PHF19: variants seen among roughly 807,000 people sequenced by gnomAD.
PHF19 encodes PHD finger protein 19.
In PHF19, 21 loss-of-function variants were observed where a neutral mutation model predicts 79.8. That is an observed-to-expected ratio of 0.26 (90% CI 0.19 to 0.38). The LOEUF is 0.38. Ranked by LOEUF, PHF19 falls within the 10% of genes least tolerant of loss-of-function variation. PHF19 has a pLI of 1.00. For synonymous variants in PHF19, 273 were observed against 296.3 expected, an observed-to-expected ratio of 0.92 and a Z score of 0.81; for missense variants, 445 against 744.2, an observed-to-expected ratio of 0.60 and a Z score of 4.68.
chr9:120,877,066 G>A, intron 1 of PHF19, 25 bp downstream of exon 1: 1 of 985,492 alleles, frequency 1.0e-6, no homozygotes, highest in South Asian at 4.7e-5. Context: ...GTGGCGGGGA[G>A]TCCGCCCAAC....
chr9:120,882,444 C>T (rs1028978678), intron 1 of PHF19, among the ~76,000 whole-genome samples: 1 of 152,160 alleles, frequency 6.6e-6, no homozygotes, highest in African/African-American at 2.4e-5. Flanking sequence ...ATATACTTCA[C>T]GTATGACAAA....
chr9:120,874,496 C>A lies in PHF19; in HGVS notation c.186+60G>T. The A allele has an allele frequency of 1.7e-6, 2 of 1,163,154 alleles. No homozygotes were observed. Among genetic ancestry groups the A allele is most frequent in the Non-Finnish European group, 2.5e-6 (2 of 787,282 alleles). 72.1% of individuals were successfully genotyped at this position (1,163,154 alleles called of 1,614,324 possible). ...CCTGCCCCCTGGTCTGACAGCCAGG[C>A]TGGAACATGAGCAGAGAGATTCTGA... On this transcript the variant is annotated intron_variant, in intron 2 of 14. Transcript: ENST00000373896. This position sits in a 1 kb window ranked among gnomAD's most constrained non-coding sequence, Gnocchi z 4.5.
intron 1 of PHF19, among the ~76,000 whole-genome samples, chr9:120,892,362 G>A (rs577519925): frequency 1.3e-5 from 2 of 152,092 alleles, no homozygotes; most frequent in Admixed American, 6.6e-5. Flanking sequence ...GGTGGGGAGC[G>A]GGTACAGGAA....
chr9:120,857,917 A>G lies in PHF19; in HGVS notation c.*27T>C, dbSNP rs761257275. 2 of 1,416,340 alleles carry G rather than the reference A, an allele frequency of 1.4e-6. No homozygotes were observed. Among genetic ancestry groups the G allele is most frequent in the East Asian group, 2.4e-5 (1 of 41,752 alleles). The allele number at this position is 1,416,340 out of a possible 1,614,324, so 87.7% of individuals were successfully genotyped here. A position where few individuals can be genotyped will look rare whatever the true frequency, so the allele number is the denominator to read the frequency against. ...TTCTGCTGCTCCTCCTTTGGTTTTCAGGACCCCTGGCACCCCCGGGGGCTA... is the reference window on the plus strand; with the variant it reads ...TTCTGCTGCTCCTCCTTTGGTTTTCGGGACCCCTGGCACCCCCGGGGGCTA... On this transcript the variant is annotated 3_prime_UTR_variant, in exon 15 of 15. Transcript: ENST00000373896.
At position 120,869,636 on chromosome 9, in the gene PHF19, C is replaced by G. The variant is rs1010047079; in HGVS notation, c.465+209G>C. 3.3e-6 allele frequency: 5 copies of G among 1,533,080 alleles called. No homozygotes were observed. In the African/African-American group the frequency reaches 6.9e-5, roughly 21 times the overall value. 95.0% of individuals were successfully genotyped at this position (1,533,080 alleles called of 1,614,324 possible). A position where few individuals can be genotyped will look rare whatever the true frequency, so the allele number is the denominator to read the frequency against. On this transcript the variant is annotated intron_variant, in intron 5 of 14. Transcript: ENST00000373896. This position sits in a 1 kb window ranked among gnomAD's most constrained non-coding sequence, Gnocchi z 5.8. The stretch of plus-strand genomic sequence containing the variant: ...CATTTATTGGTCCCGTTATTCCCGA[C>G]ACCAAACCCATCTCCACTTTACAGT...
At chr9:120,887,057 C>T (rs2046273389) in intron 1 of PHF19, among the ~76,000 whole-genome samples, 3 of 136,848 alleles carry the variant, frequency 2.2e-5, no homozygotes, top group African/African-American at 8.6e-5. Context: ...CAGAGCCAGA[C>T]TCTGTCTAAA....
upstream of PHF19, among the ~76,000 whole-genome samples, chr9:120,880,481 G>T (rs1355679130): frequency 6.6e-6 from 1 of 152,290 alleles, no homozygotes; most frequent in East Asian, 1.9e-4. Flanking sequence ...GTGACTGAGC[G>T]AGACTCCGTC....
rs2045688842 is a variant in PHF19, at chr9:120,866,035, G to A, written c.772C>T (p.Leu258=). Residue 258 remains leucine (L), a synonymous_variant, in exon 8 of 15, where the codon CTG becomes TTG. Coordinates refer to ENST00000373896, the MANE Select transcript of PHF19 (RefSeq NM_015651.3). The surrounding 1 kb of genome is among the most constrained non-coding windows in gnomAD (Gnocchi z 5.2). ...TAAGCCCCACCCTCTCACCATCGCAGGGGCAGCCTCTCGATGTACTCTGGG... is the reference window on the plus strand; with the variant it reads ...TAAGCCCCACCCTCTCACCATCGCAAGGGCAGCCTCTCGATGTACTCTGGG... ...QGPEYIERLP[L]RWVDVVHLAL... is the part of the protein sequence containing the mutation. The A allele has an allele frequency of 5.0e-6, 8 of 1,613,172 alleles. No individual in the cohort carries two copies. The highest frequency in any genetic ancestry group is 5.9e-6 in the Non-Finnish European group (7 of 1,179,230).
rs376433527 is a variant in PHF19 at position 120,861,933 on chromosome 9, T to A, written c.1203A>T (p.Glu401Asp). Reference sequence around the variant, plus strand: ...AGGAACTAACACTGGGAATAGCATCTTCCAGCAAAAACTTTGATCTTTTTC... The same window carrying A: ...AGGAACTAACACTGGGAATAGCATCATCCAGCAAAAACTTTGATCTTTTTC... Reference protein sequence around the residue: ...YRRKRSKFLLEDAIPSSDFTS... With the variant: ...YRRKRSKFLLDDAIPSSDFTS... The change falls in exon 12 of 15, where the codon GAA (glutamate) becomes GAT (aspartate). Residue 401 changes from glutamate to aspartate, a missense_variant. Glu to Asp is a conservative substitution (Grantham distance 45). Transcript: ENST00000373896. 2.5e-6 allele frequency: 4 copies of A among 1,611,066 alleles called. No individual in the cohort carries two copies. The African/African-American group carries it at 4.0e-5, about 16-fold the overall frequency.
chr9:120,881,209 G>A (rs1284199542), upstream of PHF19, among the ~76,000 whole-genome samples: 4 of 148,372 alleles, frequency 2.7e-5, no homozygotes, highest in African/African-American at 1.0e-4. Context: ...GTGCAGTGGC[G>A]CGATCTCGGC....
Position 120,860,118 on chromosome 9 carries a change from C to T in PHF19, c.1372G>A (p.Ala458Thr). 2 of 1,598,298 alleles carry T rather than the reference C, an allele frequency of 1.3e-6. No individual in the cohort carries two copies. The highest frequency in any genetic ancestry group is 8.5e-7 in the Non-Finnish European group (1 of 1,171,566). Reference sequence around the variant, plus strand: ...GAGTCATAGGAGAGGCTGGTGGAGGCAGAGCCAGAGGTGCTGGCAGCGTCG... The same window carrying T: ...GAGTCATAGGAGAGGCTGGTGGAGGTAGAGCCAGAGGTGCTGGCAGCGTCG... ...STDAASTSGS[A>T]STSLSYDSRW... Residue 458 changes from alanine (A) to threonine (T), a missense_variant, in exon 14 of 15, where the codon GCC becomes ACC. Ala to Thr is a moderately conservative substitution (Grantham distance 58). This residue lies in a region of PHF19 where 125 missense variants were observed against 180.5 expected (regional missense o/e 0.69). Coordinates refer to ENST00000373896, the MANE Select transcript of PHF19 (RefSeq NM_015651.3). The surrounding 1 kb of genome is among the most constrained non-coding windows in gnomAD (Gnocchi z 4.1).
In PHF19 at chr9:120,857,406, A is replaced by T. The variant is rs1273416306; in HGVS notation, c.*538T>A. The T allele has an allele frequency of 6.6e-6, 1 of 152,438 alleles. No individual in the cohort carries two copies. Among genetic ancestry groups the T allele is most frequent in the African/African-American group, 2.4e-5 (1 of 41,412 alleles). 9.4% of individuals were successfully genotyped at this position (152,438 alleles called of 1,614,324 possible). ...CCACCTCTCTCCGAGGGTAGTGGGG[A>T]GTGGCAGGAAAGTGGAAGAGAAAAG... On this transcript the variant is annotated 3_prime_UTR_variant, in exon 15 of 15. Transcript: ENST00000373896.
exon 1 of PHF19, chr9:120,894,836 G>C (rs1311870026): frequency 9.0e-6 from 11 of 1,228,130 alleles, no homozygotes; most frequent in African/African-American, 1.6e-5. Context: ...GCATAGTGCA[G>C]GGCACGTAGG....
At chr9:120,880,220 C>G (rs979351162), upstream of PHF19, among the ~76,000 whole-genome samples, 1 of 152,216 alleles carries the variant, frequency 6.6e-6, no homozygotes, top group Non-Finnish European at 1.5e-5. Context: ...ATAGGCCAGG[C>G]ACTGTGGCTC....
rs781284382 is a variant in PHF19 at position 120,866,148 on chromosome 9, CA to C, written c.711-53del. 7.1e-6 allele frequency: 9 copies of C among 1,272,546 alleles called. No homozygotes were observed. The Admixed American group carries it at 1.5e-4, about 21-fold the overall frequency. The allele number at this position is 1,272,546 out of a possible 1,614,324, so 78.8% of individuals were successfully genotyped here. A position where few individuals can be genotyped will look rare whatever the true frequency, so the allele number is the denominator to read the frequency against. On this transcript the variant is annotated intron_variant, in intron 7 of 14. Transcript: ENST00000373896. This position sits in a 1 kb window ranked among gnomAD's most constrained non-coding sequence, Gnocchi z 5.2. ...ATGGTGGGAGGGGCTCTGACACCCC[CA>C]CCCCAGTCCAGCCCCTTGATCTCCT...
chr9:120,880,739 C>T (rs553237513), upstream of PHF19, among the ~76,000 whole-genome samples: 116 of 152,172 alleles, frequency 7.6e-4, no homozygotes, highest in African/African-American at 2.7e-3. Context: ...GTGGGAAGAT[C>T]GCTTGAGCCC....
Position 120,862,971 on chromosome 9 carries a change from G to A in PHF19, c.969-222C>T. The A allele has an allele frequency of 1.8e-6, 1 of 554,982 alleles. No homozygotes were observed. Among genetic ancestry groups the A allele is most frequent in the Admixed American group, 3.1e-5 (1 of 32,334 alleles). 34.4% of individuals were successfully genotyped at this position (554,982 alleles called of 1,614,324 possible). A position where few individuals can be genotyped will look rare whatever the true frequency, so the allele number is the denominator to read the frequency against. On this transcript the variant is annotated intron_variant, in intron 10 of 14. Transcript: ENST00000373896. This position sits in a 1 kb window ranked among gnomAD's most constrained non-coding sequence, Gnocchi z 4.6. ...CTCCTCCCTGTGCTTCCTCCTGCAT[G>A]AGTGTGGTTCTTGCTGCTCTTCTCC...
At position 120,865,783 on chromosome 9, in the gene PHF19, T is replaced by C; in HGVS notation, c.827A>G (p.Lys276Arg). ...CTCCTCAAAGTCAAAGTACTTCTTC[T>C]TGCTCTGTACCCCCAGATTATAGAG... ...LALYNLGVQS[K>R]KKYFDFEEIL... The change falls in exon 9 of 15, where the codon AAG becomes AGG. Residue 276 changes from lysine to arginine, a missense_variant. By Grantham distance (26) the Lys-to-Arg change is conservative. Transcript: ENST00000373896. 3 of 1,614,160 alleles carry C rather than the reference T, an allele frequency of 1.9e-6. No homozygotes were observed. The highest frequency in any genetic ancestry group is 1.7e-5 in the Admixed American group (1 of 60,024).
chr9:120,864,216 G>A, intron 9 of PHF19, 100 bp from the exon 10 acceptor site: 1 of 963,674 alleles, frequency 1.0e-6, no homozygotes, highest in Non-Finnish European at 1.6e-6. Context: ...ATGCTTCTGA[G>A]TCCTTCAGGT....
Sources: gnomAD v4.1 joint callset for allele counts (sites outside exome capture counted in the v4.1 genomes callset) on GRCh38, gnomAD v4.1.1 for gene constraint, gnomAD v4.1.1 regional missense constraint, Gnocchi (gnomAD v3.1) non-coding constraint, MANE v1.5 for transcripts, NCBI Gene and HGNC (gene_info 2026-07-23, HGNC 2026-07-21) for gene names.